Variants in GALNT10 observed in about 807,000 individuals in gnomAD.
The protein encoded by GALNT10 is polypeptide N-acetylgalactosaminyltransferase 10, also known as GalNAc transferase 10.
A neutral mutation model predicts 75.0 loss-of-function variants in GALNT10; 41 were observed. The ratio of observed to expected loss-of-function variants is 0.55; its 90% CI spans 0.43 to 0.71. The LOEUF is 0.71. GALNT10 is among the 30% of genes least tolerant of loss of function. GALNT10 has a pLI of 0.00. For synonymous variants in GALNT10, 302 were observed against 313.0 expected (o/e 0.96, Z 0.37); for missense variants, 727 against 818.5 (o/e 0.89, Z 1.36).
intron 7 of GALNT10, chr5:154,387,126 G>A (rs1336636220): frequency 1.3e-5 from 2 of 152,390 alleles, no homozygotes; most frequent in Non-Finnish European, 2.9e-5. Context: ...GGTAGAAATT[G>A]TTAAAGTTTC....
At chr5:154,267,306 G>A (rs2113030964) in intron 1 of GALNT10, among the ~76,000 whole-genome samples, 1 of 152,288 alleles carries the variant, frequency 6.6e-6, no homozygotes, top group East Asian at 1.9e-4. Context: ...GTTTTTTGGG[G>A]AAAGTGGTAG....
At chr5:154,239,963 A>T (rs1294822871) in intron 1 of GALNT10, among the ~76,000 whole-genome samples, 3 of 152,196 alleles carry the variant, frequency 2.0e-5, no homozygotes, top group Non-Finnish European at 2.9e-5. Flanking sequence ...GAGCTCTTAG[A>T]AGACTGAATT....
intron 1 of GALNT10, among the ~76,000 whole-genome samples, chr5:154,261,239 A>G (rs940521537): frequency 1.5e-4 from 23 of 151,750 alleles, no homozygotes; most frequent in Admixed American, 1.4e-3. Context: ...GAAAGTTCTG[A>G]TGGCTCATAA....
intron 7 of GALNT10, chr5:154,392,647 G>T (rs10064551): frequency 0.6 from 90,619 of 151,954 alleles, 27,760 homozygotes; most frequent in African/African-American, 0.74. Context: ...GGATTAGGGG[G>T]GGAGGCAGCA....
At chr5:154,227,537 T>C (rs957524370) in intron 1 of GALNT10, among the ~76,000 whole-genome samples, 2 of 152,232 alleles carry the variant, frequency 1.3e-5, no homozygotes, top group African/African-American at 2.4e-5. Context: ...TGAGAGTCCT[T>C]TATATTCTAT....
intron 4 of GALNT10, among the ~76,000 whole-genome samples, chr5:154,334,599 G>A (rs746808391): frequency 1.8e-4 from 28 of 152,164 alleles, no homozygotes; most frequent in Non-Finnish European, 5.9e-5. Context: ...TTAGTTATGT[G>A]GTAATGGAAA....
chr5:154,232,059 A>G (rs1170191355), intron 1 of GALNT10, among the ~76,000 whole-genome samples: 3 of 152,208 alleles, frequency 2.0e-5, no homozygotes, highest in Non-Finnish European at 4.4e-5. Context: ...CAAACTACCA[A>G]ACAGTGACCT....
chr5:154,268,967 C>CA (rs2113033453), intron 1 of GALNT10, among the ~76,000 whole-genome samples: 1 of 142,452 alleles, frequency 7.0e-6, no homozygotes, highest in South Asian at 2.2e-4. Flanking sequence ...TGAGACCCCC[C>CA]ATCCCTACTT....
intron 2 of GALNT10, 134 bp downstream of exon 2, chr5:154,295,052 T>A: frequency 2.1e-6 from 1 of 484,556 alleles, no homozygotes; most frequent in Non-Finnish European, 3.8e-6. Context: ...TCCTGTTGGC[T>A]CCCTCCCTGT....
intron 10 of GALNT10, among the ~76,000 whole-genome samples, chr5:154,414,680 G>A (rs1044387467): frequency 7.9e-5 from 12 of 151,884 alleles, no homozygotes; most frequent in African/African-American, 2.4e-4. Context: ...ATGGTTTCTC[G>A]GTGTAAACAT....
chr5:154,328,079 AG>A (rs749636148), intron 3 of GALNT10, among the ~76,000 whole-genome samples: 1 of 87,116 alleles, frequency 1.1e-5, no homozygotes, highest in Non-Finnish European at 2.7e-5. Context: ...AACAAATCGA[AG>A]GGGAAAAAAA....
rs1407455826 is a variant in GALNT10, at chr5:154,409,009, C to G, written c.1165-532C>G. Among the ~76,000 whole-genome samples the G allele has an allele frequency of 6.6e-6, 1 of 152,102 alleles. No homozygotes were observed. Among genetic ancestry groups the G allele is most frequent in the Admixed American group, 6.5e-5 (1 of 15,276 alleles). Reference sequence around the variant, plus strand: ...GGCTCTCCTTGTCTCTCCTTGGAGGCCATATGGCCCAGCAGCTCTGGCTGG... The same window carrying G: ...GGCTCTCCTTGTCTCTCCTTGGAGGGCATATGGCCCAGCAGCTCTGGCTGG... On this transcript the variant is annotated intron_variant, in intron 8 of 11. Transcript: ENST00000297107. This position sits in a 1 kb window ranked among gnomAD's most constrained non-coding sequence, Gnocchi z 4.5.
chr5:154,215,699 C>A (rs1752855179), intron 1 of GALNT10, among the ~76,000 whole-genome samples: 1 of 152,172 alleles, frequency 6.6e-6, no homozygotes, highest in Non-Finnish European at 1.5e-5. Flanking sequence ...AATAAACATG[C>A]CACAGCATGC....
At chr5:154,313,321 G>C (rs537491885) in intron 3 of GALNT10, among the ~76,000 whole-genome samples, 1 of 150,522 alleles carries the variant, frequency 6.6e-6, no homozygotes, top group Non-Finnish European at 1.5e-5. Context: ...AAAAAAAAAG[G>C]TACTGTTTTT....
At position 154,190,933 on chromosome 5, in the gene GALNT10, C is replaced by T. The variant is rs1172042784; in HGVS notation, c.67C>T (p.Pro23Ser). The change falls in exon 1 of 12, where the codon CCC (proline) becomes TCC (serine). Residue 23 changes from proline (P) to serine (S), a missense_variant. Transcript: ENST00000297107. ...GGTGCTGGCGGCCCTGGTCCTCCTG[C>T]CCAACGTGGGGCTTTGGGCGCTGTA... ...ALVLAALVLL[P>S]NVGLWALYRE... 1 of 1,507,114 alleles carries T rather than the reference C, an allele frequency of 6.6e-7. No homozygotes were observed. The allele number at this position is 1,507,114 out of a possible 1,614,324, so 93.4% of individuals were successfully genotyped here. A position where few individuals can be genotyped will look rare whatever the true frequency, so the allele number is the denominator to read the frequency against.
intron 1 of GALNT10, among the ~76,000 whole-genome samples, chr5:154,240,718 G>A (rs1581934207): frequency 6.6e-6 from 1 of 152,306 alleles, no homozygotes; most frequent in Middle Eastern, 3.4e-3. Context: ...GTAATCTTGA[G>A]CGTTGATAAG....
At chr5:154,278,394 A>C (rs1408281128) in intron 1 of GALNT10, among the ~76,000 whole-genome samples, 1 of 152,246 alleles carries the variant, frequency 6.6e-6, no homozygotes, top group Non-Finnish European at 1.5e-5. Context: ...ATGCTGGATT[A>C]AACAAAGTTA....
rs751647664 is a variant in GALNT10 at position 154,415,915 on chromosome 5, C to A, written c.1636C>A (p.Leu546Met). 4 of 1,613,984 alleles carry A rather than the reference C, an allele frequency of 2.5e-6. No individual in the cohort carries two copies. In the East Asian group the frequency reaches 8.9e-5, roughly 36 times the overall value. ...YDCHSMKGNQ[L>M]WKYRKDKTLY... Reference sequence around the variant, plus strand: ...CTGCCACAGCATGAAGGGCAACCAGCTGTGGAAATACCGCAAAGTAAGATG... The same window carrying A: ...CTGCCACAGCATGAAGGGCAACCAGATGTGGAAATACCGCAAAGTAAGATG... The change falls in exon 11 of 12, where the codon CTG becomes ATG. Residue 546 changes from leucine (L) to methionine (M), a missense_variant. Physicochemically the swap from Leu to Met is conservative, Grantham distance 15. Transcript: ENST00000297107.
intron 4 of GALNT10, among the ~76,000 whole-genome samples, chr5:154,336,583 T>C (rs1754948317): frequency 6.6e-6 from 1 of 152,240 alleles, no homozygotes; most frequent in Non-Finnish European, 1.5e-5. Context: ...TGACATATGA[T>C]ATAGAGCATC....
Sources: gnomAD v4.1 joint callset for allele counts (sites outside exome capture counted in the v4.1 genomes callset) on GRCh38, gnomAD v4.1.1 for gene constraint, Gnocchi (gnomAD v3.1) non-coding constraint, MANE v1.5 for transcripts, NCBI Gene and HGNC (gene_info 2026-07-23, HGNC 2026-07-21) for gene names.